The following EYS variants were observed in gnomAD, a reference collection of about 807,000 sequenced individuals.
EYS encodes the protein protein eyes shut homolog.
EYS carries 250 observed loss-of-function variants against 282.1 expected under a neutral mutation model. That is an observed-to-expected ratio of 0.89 (90% CI 0.80 to 0.98). The LOEUF is 0.98. Among genes scored for constraint, EYS ranks in the 50% least tolerant of loss-of-function variants. The probability of loss-of-function intolerance (pLI) is 0.00; values close to 1 mark genes in which losing one functional copy is unlikely to be tolerated. For synonymous variants in EYS, 1,355 were observed against 1,282.9 expected (o/e 1.06, Z -1.20); for missense variants, 4,016 against 3,709.0 (o/e 1.08, Z -2.15).
intron 35 of EYS, among the ~76,000 whole-genome samples, chr6:63,876,547 G>T (rs576163858): frequency 6.6e-6 from 1 of 152,240 alleles, no homozygotes; most frequent in African/African-American, 2.4e-5. Flanking sequence ...CTGTGTCATG[G>T]ATCTGTCTAA....
At chr6:64,529,908 T>C (rs1361214810) in intron 26 of EYS, among the ~76,000 whole-genome samples, 1 of 152,006 alleles carries the variant, frequency 6.6e-6, no homozygotes, top group African/African-American at 2.4e-5. Context: ...AAACTCAGAA[T>C]CCAATGTTAG....
chr6:64,736,528 A>T (rs544276115), intron 22 of EYS, among the ~76,000 whole-genome samples: 2 of 152,144 alleles, frequency 1.3e-5, no homozygotes, highest in Non-Finnish European at 2.9e-5. Context: ...TGCTAGAATC[A>T]TTACAGAGTA....
intron 26 of EYS, among the ~76,000 whole-genome samples, chr6:64,531,035 C>A (rs1764311495): frequency 1.3e-5 from 2 of 152,068 alleles, no homozygotes; most frequent in African/African-American, 2.4e-5. Context: ...TGATTAAGGG[C>A]AATTTCAAAA....
intron 22 of EYS, among the ~76,000 whole-genome samples, chr6:64,752,847 C>CT (rs1772806719): frequency 6.6e-6 from 1 of 152,122 alleles, no homozygotes; most frequent in Non-Finnish European, 1.5e-5. Flanking sequence ...TCAAAGACTA[C>CT]TAGAACAGCT....
intron 2 of EYS, among the ~76,000 whole-genome samples, chr6:65,542,383 C>G (rs553142668): frequency 6.6e-6 from 1 of 151,706 alleles, no homozygotes; most frequent in African/African-American, 2.4e-5. Flanking sequence ...ACCAGTCTAT[C>G]GAATTTTAAA....
At chr6:64,308,350 C>A (rs1006260687) in intron 29 of EYS, among the ~76,000 whole-genome samples, 2 of 151,886 alleles carry the variant, frequency 1.3e-5, no homozygotes, top group East Asian at 3.9e-4. Flanking sequence ...CTAATCATTA[C>A]GAGCATACAA....
At chr6:64,678,352 C>A (rs547444367) in intron 22 of EYS, among the ~76,000 whole-genome samples, 174 of 151,866 alleles carry the variant, frequency 1.1e-3, no homozygotes, top group African/African-American at 4.1e-3. Context: ...CCAAGGTGGG[C>A]AGATCACCTG....
chr6:64,945,946 C>A, intron 14 of EYS, 32 bp from the exon 15 acceptor site: 1 of 1,484,330 alleles, frequency 6.7e-7, no homozygotes, highest in Non-Finnish European at 9.1e-7. Flanking sequence ...TATTTTTAGG[C>A]TATTTCTTAC....
At chr6:65,690,821 G>T (rs1769215517) in intron 1 of EYS, among the ~76,000 whole-genome samples, 1 of 149,964 alleles carries the variant, frequency 6.7e-6, no homozygotes, top group Non-Finnish European at 1.5e-5. Context: ...TTATGAGTGA[G>T]AACATGTGGT....
chr6:65,116,672 T>C (rs1775383090), intron 12 of EYS, among the ~76,000 whole-genome samples: 1 of 152,094 alleles, frequency 6.6e-6, no homozygotes, highest in South Asian at 2.1e-4. Context: ...AAGCTGCTTT[T>C]AAATAACAAT....
intron 12 of EYS, among the ~76,000 whole-genome samples, chr6:65,267,433 T>C (rs1006926818): frequency 2.6e-5 from 4 of 151,914 alleles, no homozygotes; most frequent in African/African-American, 7.2e-5. Context: ...CTTTATAAGA[T>C]ATTTAATTCG....
At chr6:65,349,879 A>G (rs532792658) in intron 9 of EYS, among the ~76,000 whole-genome samples, 6 of 151,510 alleles carry the variant, frequency 4.0e-5, no homozygotes, top group Admixed American at 2.6e-4. Context: ...TACTACAGCA[A>G]TATCTAAAGT....
intron 1 of EYS, among the ~76,000 whole-genome samples, chr6:65,699,615 G>A (rs1769584788): frequency 1.3e-5 from 2 of 152,158 alleles, no homozygotes; most frequent in Admixed American, 6.5e-5. Context: ...AAGGCAAGGA[G>A]ATTTTTAACT....
chr6:64,959,580 T>C lies in EYS; in HGVS notation c.2260-13666A>G, dbSNP rs1769844918. Among the ~76,000 whole-genome samples, 7 of 152,182 alleles carry C rather than the reference T, an allele frequency of 4.6e-5. 1 individual carries two copies. Among genetic ancestry groups the C allele is most frequent in the Admixed American group, 4.6e-4 (7 of 15,282 alleles). ...TATTTGATTCTGGTCCCAGATGCTA[T>C]GACATGTAGGCTATTGAACATCTTA... is the stretch of plus-strand genomic sequence containing the variant. On this transcript the variant is annotated intron_variant, in intron 14 of 42. Transcript: ENST00000503581.
chr6:65,468,923 C>T (rs2150415222), intron 5 of EYS, among the ~76,000 whole-genome samples: 2 of 152,110 alleles, frequency 1.3e-5, no homozygotes, highest in South Asian at 4.2e-4. Context: ...AGGAATATCT[C>T]ACTCTTTTTA....
chr6:64,081,687 A>G (rs1241227373), intron 32 of EYS, among the ~76,000 whole-genome samples, 169 bp downstream of exon 32: 1 of 152,202 alleles, frequency 6.6e-6, no homozygotes, highest in Non-Finnish European at 1.5e-5. Flanking sequence ...TGACTCATAA[A>G]GAAACTTCTA....
At chr6:65,663,008 C>T (rs1320770902) in intron 1 of EYS, among the ~76,000 whole-genome samples, 2 of 152,032 alleles carry the variant, frequency 1.3e-5, no homozygotes, top group South Asian at 2.1e-4. Flanking sequence ...GGGAGCGCCC[C>T]TAAAATATAA....
At chr6:63,984,202 A>G (rs1013595000) in intron 35 of EYS, among the ~76,000 whole-genome samples, 181 bp downstream of exon 35, 1 of 151,736 alleles carries the variant, frequency 6.6e-6, no homozygotes, top group Non-Finnish European at 1.5e-5. Flanking sequence ...TACAATATAT[A>G]CATTTCTTTG....
chr6:65,319,016 C>T (rs1327840454), intron 11 of EYS, among the ~76,000 whole-genome samples: 1 of 151,268 alleles, frequency 6.6e-6, no homozygotes, highest in Non-Finnish European at 1.5e-5. Context: ...TGTGTATTTA[C>T]ATATATATGT....
Sources: gnomAD v4.1 joint callset for allele counts (sites outside exome capture counted in the v4.1 genomes callset) on GRCh38, gnomAD v4.1.1 for gene constraint, MANE v1.5 for transcripts, NCBI Gene and HGNC (gene_info 2026-07-23, HGNC 2026-07-21) for gene names.